Variants in MAPK10 observed in about 807,000 individuals in gnomAD.
The protein encoded by MAPK10 is JNK3 alpha protein kinase.
In MAPK10, 25 loss-of-function variants were observed where a neutral mutation model predicts 59.3. That is an observed-to-expected ratio of 0.42 (90% CI 0.31 to 0.59). The LOEUF is 0.59. MAPK10 is among the 20% of genes least tolerant of loss of function. The probability of loss-of-function intolerance (pLI) is 0.15; values close to 1 mark genes in which losing one functional copy is unlikely to be tolerated. For missense variants in MAPK10, 351 were observed against 568.9 expected, an observed-to-expected ratio of 0.62 and a Z score of 3.90; for synonymous variants, 190 against 200.5, an observed-to-expected ratio of 0.95 and a Z score of 0.44.
intron 2 of MAPK10, among the ~76,000 whole-genome samples, chr4:86,314,229 T>G (rs969347858): frequency 9.2e-5 from 14 of 152,246 alleles, no homozygotes; most frequent in Non-Finnish European, 1.5e-4. Context: ...CTGGAAATAT[T>G]CTAGATCTTG....
At chr4:86,157,284 G>A (rs976753835) in intron 4 of MAPK10, among the ~76,000 whole-genome samples, 9 of 151,960 alleles carry the variant, frequency 5.9e-5, no homozygotes, top group Non-Finnish European at 1.2e-4. Context: ...GTATCCATAT[G>A]CCAATACTTA....
chr4:86,067,423 G>A (rs1400147025), intron 10 of MAPK10, among the ~76,000 whole-genome samples: 2 of 152,096 alleles, frequency 1.3e-5, no homozygotes, highest in Non-Finnish European at 2.9e-5. Flanking sequence ...TGAGGTTACA[G>A]ACTTGAGCCA....
intron 1 of MAPK10, among the ~76,000 whole-genome samples, chr4:86,389,349 A>T (rs1741902821): frequency 6.6e-6 from 1 of 152,158 alleles, no homozygotes; most frequent in Non-Finnish European, 1.5e-5. Context: ...AGTCTCAGGT[A>T]TTTTCTTATA....
chr4:86,460,097 A>G (rs944217664), intron 1 of MAPK10, among the ~76,000 whole-genome samples: 1 of 152,198 alleles, frequency 6.6e-6, no homozygotes, highest in Admixed American at 6.5e-5. Flanking sequence ...TGAATATAGC[A>G]GAGTTTAAAT....
chr4:86,322,701 C>A (rs890899308), intron 2 of MAPK10, among the ~76,000 whole-genome samples: 1 of 152,166 alleles, frequency 6.6e-6, no homozygotes, highest in Non-Finnish European at 1.5e-5. Flanking sequence ...ATTTCTCATG[C>A]TACTACAGCA....
intron 3 of MAPK10, chr4:86,191,511 G>A (rs185737228): frequency 1.9e-4 from 14 of 73,858 alleles, no homozygotes; most frequent in Admixed American, 1.5e-3. Context: ...GCCTTTCTTT[G>A]TCTTTTTTGA....
chr4:86,249,803 CT>C (rs1244997240), intron 2 of MAPK10, among the ~76,000 whole-genome samples: 1 of 152,128 alleles, frequency 6.6e-6, no homozygotes, highest in Admixed American at 6.6e-5. Context: ...GGTGGGCCCC[CT>C]AATGACAACT....
At chr4:86,333,784 G>A (rs1326798776) in intron 2 of MAPK10, among the ~76,000 whole-genome samples, 3 of 152,086 alleles carry the variant, frequency 2.0e-5, no homozygotes, top group Non-Finnish European at 2.9e-5. Context: ...TAAAATCAGG[G>A]ATCACAGTAG....
chr4:86,459,681 A>G (rs1414420972), intron 1 of MAPK10, among the ~76,000 whole-genome samples: 2 of 152,214 alleles, frequency 1.3e-5, no homozygotes, highest in African/African-American at 4.8e-5. Flanking sequence ...ACCAAACATC[A>G]TATGTTCTCA....
intron 2 of MAPK10, among the ~76,000 whole-genome samples, chr4:86,256,323 T>A (rs2093704615): frequency 6.6e-6 from 1 of 152,212 alleles, no homozygotes; most frequent in East Asian, 1.9e-4. Context: ...GCCTACTCAT[T>A]TTAATTGCCC....
chr4:86,382,306 AC>A (rs1217942476), intron 1 of MAPK10, among the ~76,000 whole-genome samples: 1 of 151,550 alleles, frequency 6.6e-6, no homozygotes, highest in Non-Finnish European at 1.5e-5. Context: ...CCTGGCACTG[AC>A]CCCCCACTCA....
chr4:86,055,964 T>C (rs527341963), intron 11 of MAPK10, among the ~76,000 whole-genome samples: 2 of 150,272 alleles, frequency 1.3e-5, no homozygotes, highest in South Asian at 4.2e-4. Flanking sequence ...AGTACATTAC[T>C]GTACCCTGTG....
At chr4:86,280,328 A>T (rs80259455) in intron 2 of MAPK10, among the ~76,000 whole-genome samples, 18,535 of 152,180 alleles carry the variant, frequency 0.12, 1,223 homozygotes, top group African/African-American at 0.16. Context: ...GACATACAAG[A>T]GGCCAACAAA....
intron 3 of MAPK10, chr4:86,175,992 A>T (rs1190710253): frequency 6.6e-6 from 1 of 152,212 alleles, no homozygotes; most frequent in Non-Finnish European, 1.5e-5. Context: ...CTTACAGAGA[A>T]GATGAACAAA....
chr4:86,175,582 CCTCT>C (rs941838149), intron 3 of MAPK10, among the ~76,000 whole-genome samples: 1 of 151,976 alleles, frequency 6.6e-6, no homozygotes, highest in East Asian at 1.9e-4. Flanking sequence ...ACACCTCCCT[CCTCT>C]CTCTCTTCCT....
chr4:86,118,067 T>G (rs1334773597), intron 4 of MAPK10: 1 of 152,164 alleles, frequency 6.6e-6, no homozygotes, highest in African/African-American at 2.4e-5. Context: ...CAGGCACCCA[T>G]TTACAGCATT....
rs183616723 is a variant in MAPK10 at position 86,129,856 on chromosome 4, C to T, written c.237-22504G>A. ...AAAATAGAAAAGAGATTTATCTATGCACTCTTTTGTGATGCAGCTTAAGTT... is the reference window on the plus strand; with the variant it reads ...AAAATAGAAAAGAGATTTATCTATGTACTCTTTTGTGATGCAGCTTAAGTT... On this transcript the variant is annotated intron_variant, in intron 4 of 13. Coordinates refer to ENST00000641462, the MANE Select transcript of MAPK10 (RefSeq NM_138982.4). Among the ~76,000 whole-genome samples, 29 of 152,240 alleles carry T rather than the reference C, an allele frequency of 1.9e-4. No homozygotes were observed. In the East Asian group the frequency reaches 5.0e-3, roughly 26 times the overall value.
chr4:86,339,590 C>A lies in MAPK10; in HGVS notation c.-7+14940G>T, dbSNP rs549654413. On this transcript the variant is annotated intron_variant, in intron 2 of 13. Transcript: ENST00000641462. The stretch of plus-strand genomic sequence containing the variant: ...AACTATTTCCTTTATTGTTGTAGAG[C>A]ATAATGGATAAATGCACAGATTTTG... Among the ~76,000 whole-genome samples, 6 of 152,296 alleles carry A rather than the reference C, an allele frequency of 3.9e-5. No homozygotes were observed. The South Asian group carries it at 6.2e-4, about 16-fold the overall frequency.
chr4:86,421,873 G>A (rs1746586294), intron 1 of MAPK10, among the ~76,000 whole-genome samples: 1 of 152,074 alleles, frequency 6.6e-6, no homozygotes, highest in Admixed American at 6.6e-5. Flanking sequence ...TGATTTACAA[G>A]GCCCTAAGAA....
Sources: allele counts gnomAD v4.1 joint callset (sites outside exome capture counted in the v4.1 genomes callset), GRCh38; gene constraint gnomAD v4.1.1; transcripts MANE v1.5; gene names NCBI Gene and HGNC (gene_info 2026-07-23, HGNC 2026-07-21).